The following NFIA variants were observed in gnomAD, a reference collection of about 807,000 sequenced individuals.
NFIA encodes the protein nuclear factor 1 A-type.
Under a neutral mutation model 62.8 loss-of-function variants are expected in NFIA, and 8 were observed. The observed-to-expected ratio is 0.13, with a 90% CI of 0.07 to 0.23. The LOEUF (loss-of-function observed/expected upper bound fraction) is 0.23. NFIA is among the 10% of genes least tolerant of loss of function. The pLI is 1.00. For missense variants in NFIA, 410 were observed against 642.1 expected, an observed-to-expected ratio of 0.64 and a Z score of 3.91; for synonymous variants, 235 against 238.1, an observed-to-expected ratio of 0.99 and a Z score of 0.12.
rs115057750 is a variant in NFIA at position 61,208,668 on chromosome 1, A to G, written c.560-68852A>G. ...ATCATAGGATTGTTATAAGGGTTAA[A>G]TAAGACATTGCTTATGAACCTTATA... On this transcript the variant is annotated intron_variant, in intron 2 of 10. Coordinates refer to ENST00000403491, the MANE Select transcript of NFIA (RefSeq NM_001134673.4). 4.2e-3 allele frequency among the ~76,000 whole-genome samples: 637 copies of G among 152,330 alleles called. 9 individuals carry two copies. Among genetic ancestry groups the G allele is most frequent in the Admixed American group, 0.02 (307 of 15,308 alleles).
intron 2 of NFIA, among the ~76,000 whole-genome samples, chr1:61,229,869 A>G (rs1654564179): frequency 6.6e-6 from 1 of 152,204 alleles, no homozygotes; most frequent in South Asian, 2.1e-4. Context: ...GGATAAAATT[A>G]TCTATGTCAT....
At chr1:61,402,485 T>C (rs1665617141) in intron 7 of NFIA, among the ~76,000 whole-genome samples, 1 of 152,158 alleles carries the variant, frequency 6.6e-6, no homozygotes, top group Non-Finnish European at 1.5e-5. Flanking sequence ...ATTCAACAAA[T>C]ATTTATTGAG....
chr1:61,163,121 C>A (rs1005025111), intron 2 of NFIA, among the ~76,000 whole-genome samples: 2 of 152,060 alleles, frequency 1.3e-5, no homozygotes, highest in African/African-American at 4.8e-5. Context: ...AAAGAAAAAT[C>A]CTATACCGGA....
At chr1:61,167,040 C>T (rs1254728505) in intron 2 of NFIA, among the ~76,000 whole-genome samples, 1 of 152,150 alleles carries the variant, frequency 6.6e-6, no homozygotes, top group Non-Finnish European at 1.5e-5. Flanking sequence ...ACTCGGGAGG[C>T]TGAGGCAGGG....
intron 2 of NFIA, among the ~76,000 whole-genome samples, chr1:61,230,811 A>G (rs909818800): frequency 2.6e-5 from 4 of 152,212 alleles, no homozygotes; most frequent in Non-Finnish European, 5.9e-5. Flanking sequence ...GTGCTTTACC[A>G]GTGCCTCAGT....
intron 3 of NFIA, among the ~76,000 whole-genome samples, chr1:61,329,041 C>G (rs1007625218): frequency 5.6e-4 from 81 of 145,214 alleles, no homozygotes; most frequent in African/African-American, 1.9e-3. Context: ...TAATTTTTTT[C>G]TTTTTTTCTT....
At chr1:61,441,891 C>G (rs1395681011) in intron 10 of NFIA, among the ~76,000 whole-genome samples, 1 of 151,930 alleles carries the variant, frequency 6.6e-6, no homozygotes, top group Non-Finnish European at 1.5e-5. Context: ...CACACCACCC[C>G]CCTGTTAACG....
At chr1:61,319,682 G>T (rs894268445) in intron 3 of NFIA, among the ~76,000 whole-genome samples, 1 of 151,954 alleles carries the variant, frequency 6.6e-6, no homozygotes, top group African/African-American at 2.4e-5. Context: ...GGTTTTATTC[G>T]AAGAAAGAGG....
chr1:61,345,140 C>T (rs1408555853), intron 4 of NFIA, among the ~76,000 whole-genome samples: 3 of 152,150 alleles, frequency 2.0e-5, no homozygotes, highest in Non-Finnish European at 1.5e-5. Flanking sequence ...TTTGAAGAGA[C>T]CATTTCCAAA....
At chr1:61,296,038 C>T (rs1282523440) in intron 3 of NFIA, among the ~76,000 whole-genome samples, 1 of 152,208 alleles carries the variant, frequency 6.6e-6, no homozygotes, top group African/African-American at 2.4e-5. Flanking sequence ...CTGCAGAGTA[C>T]TGCAGGGTAC....
chr1:61,154,260 A>G (rs1648635664), intron 2 of NFIA, among the ~76,000 whole-genome samples: 1 of 151,974 alleles, frequency 6.6e-6, no homozygotes, highest in South Asian at 2.1e-4. Context: ...CGCCTCCCAG[A>G]TTCTCCTACC....
At chr1:61,198,650 G>A (rs1652202509) in intron 2 of NFIA, among the ~76,000 whole-genome samples, 1 of 152,190 alleles carries the variant, frequency 6.6e-6, no homozygotes. Context: ...GGCAGCGTCT[G>A]TATGCGACCG....
At chr1:61,243,120 G>T (rs1161611094) in intron 2 of NFIA, among the ~76,000 whole-genome samples, 1 of 151,958 alleles carries the variant, frequency 6.6e-6, no homozygotes, top group Non-Finnish European at 1.5e-5. Context: ...GTCAACCAAG[G>T]CCCAATCATT....
chr1:61,082,837 G>A lies in NFIA; in HGVS notation c.27+19G>A, dbSNP rs1646137085. 1 of 1,548,746 alleles carries A rather than the reference G, an allele frequency of 6.5e-7. No individual in the cohort carries two copies. Among genetic ancestry groups the A allele is most frequent in the Non-Finnish European group, 8.7e-7 (1 of 1,145,660 alleles). On this transcript the variant is annotated intron_variant, in intron 1 of 10. Coordinates refer to ENST00000403491, the MANE Select transcript of NFIA (RefSeq NM_001134673.4). ...CACCCAGGTAAGCCGCGGCGTGGAT[G>A]CGGAGGGCTTGGGGGCCGGGGCGCC...
At chr1:61,320,860 T>G (rs990375987) in intron 3 of NFIA, among the ~76,000 whole-genome samples, 61 of 152,284 alleles carry the variant, frequency 4.0e-4, no homozygotes, top group African/African-American at 1.4e-3. Context: ...CTGTTTCACT[T>G]AAGATAATCA....
chr1:61,237,657 CATT>C (rs1415185993), intron 2 of NFIA, among the ~76,000 whole-genome samples: 8 of 152,136 alleles, frequency 5.3e-5, no homozygotes, highest in Admixed American at 3.3e-4. Flanking sequence ...CCTCTCCCAT[CATT>C]GTTTTCAAAT....
chr1:61,285,391 G>T (rs2100294648), intron 3 of NFIA, among the ~76,000 whole-genome samples: 1 of 152,210 alleles, frequency 6.6e-6, no homozygotes, highest in South Asian at 2.1e-4. Flanking sequence ...TTTTAAGCCT[G>T]TACATTATTT....
chr1:61,404,262 G>A lies in NFIA; in HGVS notation c.1234G>A (p.Gly412Arg). ...CTGCCCTGATGCTGGTCAGCAGGCT[G>A]GACAGGTGGGGTTCCTCAATGTAAG... ...LVCPDAGQQAGQVGFLNPNGS... is the reference protein window; with the variant it reads ...LVCPDAGQQARQVGFLNPNGS... The change falls in exon 8 of 11, where the codon GGA becomes AGA. Residue 412 changes from glycine (G) to arginine (R), a missense_variant. Coordinates refer to ENST00000403491, the MANE Select transcript of NFIA (RefSeq NM_001134673.4). 6.2e-7 allele frequency: 1 copy of A among 1,612,508 alleles called. No homozygotes were observed. Among genetic ancestry groups the A allele is most frequent in the Non-Finnish European group, 8.5e-7 (1 of 1,179,472 alleles).
intron 10 of NFIA, among the ~76,000 whole-genome samples, chr1:61,436,239 A>C (rs949560589): frequency 1.3e-5 from 2 of 152,038 alleles, no homozygotes; most frequent in Admixed American, 6.5e-5. Flanking sequence ...ATGACTTGGA[A>C]CCAGATGCTT....
Sources: allele counts gnomAD v4.1 joint callset (sites outside exome capture counted in the v4.1 genomes callset), GRCh38; gene constraint gnomAD v4.1.1; transcripts MANE v1.5; gene names NCBI Gene and HGNC (gene_info 2026-07-23, HGNC 2026-07-21).